The following NBR1 variants were observed in gnomAD, a reference collection of about 807,000 sequenced individuals.
NBR1 encodes the protein NBR1 autophagy cargo receptor.
A neutral mutation model predicts 115.5 loss-of-function variants in NBR1; 59 were observed. The observed-to-expected ratio is 0.51, with a 90% CI of 0.41 to 0.63. NBR1 has a LOEUF of 0.63. NBR1 is among the 30% of genes least tolerant of loss of function. The probability of loss-of-function intolerance (pLI) is 0.00; values close to 1 mark genes in which losing one functional copy is unlikely to be tolerated. For synonymous variants in NBR1, 373 were observed against 414.7 expected, an observed-to-expected ratio of 0.90 and a Z score of 1.22; for missense variants, 1,043 against 1,150.5, an observed-to-expected ratio of 0.91 and a Z score of 1.35.
At chr17:43,175,406 C>T (rs2056486233) in intron 1 of NBR1, among the ~76,000 whole-genome samples, 1 of 152,190 alleles carries the variant, frequency 6.6e-6, no homozygotes, top group Admixed American at 6.5e-5. Context: ...GTTAACCAGT[C>T]ATCATAAAGT....
rs868247615 is a variant in NBR1 at position 43,180,789 on chromosome 17, T to C, written c.185-6T>C. 3 of 1,453,116 alleles carry C rather than the reference T, an allele frequency of 2.1e-6. No individual in the cohort carries two copies. Among genetic ancestry groups the C allele is most frequent in the Non-Finnish European group, 2.7e-6 (3 of 1,095,192 alleles). The allele number at this position is 1,453,116 out of a possible 1,614,324, so 90.0% of individuals were successfully genotyped here. A position where few individuals can be genotyped will look rare whatever the true frequency, so the allele number is the denominator to read the frequency against. ...GTATCATGGTGTATATTTTTTGTTC[T>C]TTTAGGAGAATATGAAGAAGCGCTT... On this transcript the variant is annotated splice_region_variant and splice_polypyrimidine_tract_variant and intron_variant, in intron 4 of 20. Coordinates refer to ENST00000590996, the MANE Select transcript of NBR1 (RefSeq NM_005899.5).
chr17:43,175,780 C>T lies in NBR1; in HGVS notation c.-9-11C>T. The T allele has an allele frequency of 7.3e-7, 1 of 1,370,652 alleles. No homozygotes were observed. Among genetic ancestry groups the T allele is most frequent in the South Asian group, 1.2e-5 (1 of 81,010 alleles). 84.9% of individuals were successfully genotyped at this position (1,370,652 alleles called of 1,614,324 possible). ...TTTTTCTCTCTCTCCCACCAACCTT[C>T]TCAACCCTAGCCTCACAGCATGGAA... On this transcript the variant is annotated splice_polypyrimidine_tract_variant and intron_variant, in intron 1 of 20. Coordinates refer to ENST00000590996, the MANE Select transcript of NBR1 (RefSeq NM_005899.5).
intron 16 of NBR1, 138 bp downstream of exon 16, chr17:43,197,244 G>T (rs1237512267): frequency 4.4e-6 from 4 of 899,014 alleles, no homozygotes; most frequent in Non-Finnish European, 6.7e-6. Flanking sequence ...TCTTGGCGGG[G>T]CGTGGTGGCT....
Position 43,203,699 on chromosome 17 carries a change from C to G in NBR1, c.2640C>G (p.Ser880Arg). 1 of 1,609,512 alleles carries G rather than the reference C, an allele frequency of 6.2e-7. No individual in the cohort carries two copies. The highest frequency in any genetic ancestry group is 8.5e-7 in the Non-Finnish European group (1 of 1,177,528). ...YDHSRHHHGSSIAGGLVKGAL... is the reference protein window; with the variant it reads ...YDHSRHHHGSRIAGGLVKGAL... ...TCTGCAGGCACCATCATGGGAGCAG[C>G]ATTGCTGGAGGACTGGTGAAGGGGG... Residue 880 changes from serine (S) to arginine (R), a missense_variant, in exon 20 of 21, where the codon AGC becomes AGG. Transcript: ENST00000590996.
In NBR1 at chr17:43,193,476, G is replaced by C; in HGVS notation, c.1362G>C (p.Thr454=). Reference sequence around the variant, plus strand: ...TCATTGCCCCAGCCTTGGAGGGAACGTATACTTCCCATTGGCGTCTTTCTC... The same window carrying C: ...TCATTGCCCCAGCCTTGGAGGGAACCTATACTTCCCATTGGCGTCTTTCTC... ...VEFIAPALEG[T]YTSHWRLSHK... The change falls in exon 12 of 21, where the codon ACG becomes ACC. Residue 454 remains threonine, a synonymous_variant. Coordinates refer to ENST00000590996, the MANE Select transcript of NBR1 (RefSeq NM_005899.5). 1 of 1,613,900 alleles carries C rather than the reference G, an allele frequency of 6.2e-7. No homozygotes were observed. Among genetic ancestry groups the C allele is most frequent in the South Asian group, 1.1e-5 (1 of 91,054 alleles).
rs1039080219 is a variant in NBR1 at position 43,190,459 on chromosome 17, G to A, written c.696-150G>A. On this transcript the variant is annotated intron_variant, in intron 8 of 20. Transcript: ENST00000590996. ...GTGTTATTATCCTCATTTTATTAAT[G>A]AGGAAAATTGAGGCATGGCATAGTC... is the stretch of plus-strand genomic sequence containing the variant. 6.8e-6 allele frequency: 5 copies of A among 730,914 alleles called. No homozygotes were observed. In the African/African-American group the frequency reaches 7.0e-5, roughly 10 times the overall value. 45.3% of individuals were successfully genotyped at this position (730,914 alleles called of 1,614,324 possible). A position where few individuals can be genotyped will look rare whatever the true frequency, so the allele number is the denominator to read the frequency against.
intron 20 of NBR1, 114 bp downstream of exon 20, chr17:43,203,900 G>T: frequency 1.9e-6 from 1 of 515,046 alleles, no homozygotes; most frequent in Non-Finnish European, 3.3e-6. Context: ...ATAGGCTTTA[G>T]ATTTAGTCTT....
rs535161771 is a variant in NBR1, at chr17:43,194,347, T to C, written c.1525-3T>C. ...AATTTGTCTCAATGGTTTGTCTCTA[T>C]AGGAAACTTTTCTTCTGGCTAAAGA... On this transcript the variant is annotated splice_region_variant and splice_polypyrimidine_tract_variant and intron_variant, in intron 12 of 20. Transcript: ENST00000590996. 4 of 1,612,322 alleles carry C rather than the reference T, an allele frequency of 2.5e-6. No individual in the cohort carries two copies. The highest frequency in any genetic ancestry group is 1.1e-5 in the South Asian group (1 of 90,908).
At chr17:43,205,397 A>G (rs755800958) in intron 20 of NBR1, among the ~76,000 whole-genome samples, 2 of 152,154 alleles carry the variant, frequency 1.3e-5, no homozygotes, top group Admixed American at 1.3e-4. Context: ...GACAGATGAA[A>G]CACTTCAGCC....
chr17:43,189,151 G>A (rs2056886942), intron 7 of NBR1, 32 bp downstream of exon 7: 4 of 1,450,874 alleles, frequency 2.8e-6, no homozygotes, highest in African/African-American at 1.4e-5. Context: ...GGTTTTAACT[G>A]CGGTGTTGGC....
intron 20 of NBR1, among the ~76,000 whole-genome samples, chr17:43,209,004 G>A (rs1197236996): frequency 4.0e-5 from 6 of 151,420 alleles, no homozygotes; most frequent in African/African-American, 4.8e-5. Context: ...CAAAACAAGC[G>A]TTTAAGGATT....
In NBR1 at chr17:43,193,549, G is replaced by A. The variant is rs1375327227; in HGVS notation, c.1435G>A (p.Asp479Asn). 1 of 1,613,248 alleles carries A rather than the reference G, an allele frequency of 6.2e-7. No individual in the cohort carries two copies. The highest frequency in any genetic ancestry group is 2.2e-5 in the East Asian group (1 of 44,884). ...TCGGGTCTGGTGCAGTATCATAGTA[G>A]ATCCTTTCCCCTCCGAAGAGAGCCC... ...GPRVWCSIIV[D>N]PFPSEESPDN... The change falls in exon 12 of 21, where the codon GAT becomes AAT. Residue 479 changes from aspartate to asparagine, a missense_variant. Coordinates refer to ENST00000590996, the MANE Select transcript of NBR1 (RefSeq NM_005899.5).
chr17:43,198,112 T>G (rs1395650965), intron 16 of NBR1, among the ~76,000 whole-genome samples: 1 of 150,870 alleles, frequency 6.6e-6, no homozygotes, highest in African/African-American at 2.4e-5. Context: ...AGGCTGTGGT[T>G]AGCCGAGATG....
chr17:43,190,025 CA>C, intron 8 of NBR1: 1 of 549,506 alleles, frequency 1.8e-6, no homozygotes. Context: ...CAAAGCCAGG[CA>C]AAATTATGTT....
In NBR1 at chr17:43,210,070, A is replaced by C. The variant is rs775157748; in HGVS notation, c.2897A>C (p.Tyr966Ser). The C allele has an allele frequency of 1.6e-5, 26 of 1,609,688 alleles. No individual in the cohort carries two copies. The South Asian group carries it at 2.5e-4, about 16-fold the overall frequency. The change falls in exon 21 of 21, where the codon TAT becomes TCT. Residue 966 changes from tyrosine to serine, a missense_variant. Tyr to Ser is a moderately radical substitution (Grantham distance 144, BLOSUM62 -2). Coordinates refer to ENST00000590996, the MANE Select transcript of NBR1 (RefSeq NM_005899.5). ...LNNNDWYSQRY is the reference protein window; with the variant it reads ...LNNNDWYSQRS The stretch of plus-strand genomic sequence containing the variant: ...AACAACGACTGGTACAGCCAACGCT[A>C]TTGAGGAGTGACCTTGTATTAAATA...
chr17:43,197,411 C>A (rs186064285), intron 16 of NBR1, among the ~76,000 whole-genome samples: 1 of 151,560 alleles, frequency 6.6e-6, no homozygotes, highest in Non-Finnish European at 1.5e-5. Flanking sequence ...CCCAGCTACT[C>A]GGGAGGCTGA....
intron 1 of NBR1, among the ~76,000 whole-genome samples, chr17:43,175,025 G>T (rs2056472623): frequency 6.6e-6 from 1 of 152,142 alleles, no homozygotes; most frequent in Non-Finnish European, 1.5e-5. Context: ...CGTGAACCCA[G>T]GAGGTGGAGG....
At chr17:43,191,230 C>T in intron 9 of NBR1, 142 bp from the exon 10 acceptor site, 1 of 657,460 alleles carries the variant, frequency 1.5e-6, no homozygotes, top group Non-Finnish European at 2.7e-6. Context: ...CTCCAGCCTA[C>T]ATGACAGAGT....
At chr17:43,187,469 C>G (rs1030649810) in intron 6 of NBR1, among the ~76,000 whole-genome samples, 1 of 150,764 alleles carries the variant, frequency 6.6e-6, no homozygotes. Context: ...CGTGAGCCAC[C>G]GCGCCCGGCC....
Sources: allele counts gnomAD v4.1 joint callset (sites outside exome capture counted in the v4.1 genomes callset), GRCh38; gene constraint gnomAD v4.1.1; transcripts MANE v1.5; gene names NCBI Gene and HGNC (gene_info 2026-07-23, HGNC 2026-07-21).